TRIP4: variants seen among roughly 807,000 people sequenced by gnomAD.
The protein encoded by TRIP4 is activating signal cointegrator 1.
Under a neutral mutation model 81.8 loss-of-function variants are expected in TRIP4, and 54 were observed. That is an observed-to-expected ratio of 0.66 (90% CI 0.53 to 0.83). TRIP4 has a LOEUF of 0.83. Among genes scored for constraint, TRIP4 ranks in the 40% least tolerant of loss-of-function variants. The probability of loss-of-function intolerance (pLI) is 0.00; values close to 1 mark genes in which losing one functional copy is unlikely to be tolerated. For synonymous variants in TRIP4, 270 were observed against 242.8 expected (o/e 1.11, Z -1.04); for missense variants, 662 against 683.6 (o/e 0.97, Z 0.35).
intron 3 of TRIP4, among the ~76,000 whole-genome samples, chr15:64,397,064 G>T (rs1555408947): frequency 1.3e-5 from 2 of 151,858 alleles, no homozygotes; most frequent in Non-Finnish European, 2.9e-5. Context: ...TTCTTATTAG[G>T]TTTTTTTTGC....
intron 9 of TRIP4, among the ~76,000 whole-genome samples, chr15:64,423,108 G>C (rs7162586): frequency 0.88 from 133,330 of 152,198 alleles, 59,425 homozygotes; most frequent in East Asian, 0.96. Flanking sequence ...ATTCTCTTTA[G>C]AGGTTTTTTC....
intron 11 of TRIP4, among the ~76,000 whole-genome samples, chr15:64,431,216 G>C (rs1892263365): frequency 6.6e-6 from 1 of 152,120 alleles, no homozygotes; most frequent in Non-Finnish European, 1.5e-5. Context: ...CTGTTGTACT[G>C]AGAAAATCTG....
chr15:64,435,891 T>C (rs1318549291), intron 11 of TRIP4, among the ~76,000 whole-genome samples: 1 of 37,002 alleles, frequency 2.7e-5, no homozygotes, highest in Non-Finnish European at 9.2e-5. Flanking sequence ...TAATGGTAGA[T>C]TGAAAAAAAA....
intron 6 of TRIP4, 29 bp downstream of exon 6, chr15:64,406,488 A>G (rs746999011): frequency 3.0e-5 from 49 of 1,607,592 alleles, no homozygotes; most frequent in Middle Eastern, 3.3e-4. Context: ...AACAAATGCT[A>G]AGAAATAAAC....
intron 11 of TRIP4, among the ~76,000 whole-genome samples, chr15:64,440,910 T>C (rs912101862): frequency 2.0e-5 from 3 of 152,206 alleles, no homozygotes; most frequent in Admixed American, 2.0e-4. Context: ...CTTAGAGTTA[T>C]AGTTCTAAGA....
intron 1 of TRIP4, among the ~76,000 whole-genome samples, chr15:64,391,926 G>T (rs1422622061): frequency 7.9e-6 from 1 of 126,016 alleles, no homozygotes; most frequent in Non-Finnish European, 1.6e-5. Context: ...AGCCAAGATA[G>T]CACCACTGCA....
At chr15:64,406,204 T>A in intron 5 of TRIP4, 126 bp from the exon 6 acceptor site, 1 of 1,173,136 alleles carries the variant, frequency 8.5e-7, no homozygotes, top group Middle Eastern at 2.0e-4. Flanking sequence ...TGTTTTCTGT[T>A]GAAATGAAGG....
chr15:64,433,655 G>T lies in TRIP4; in HGVS notation c.1575+8024G>T, dbSNP rs564637355. On this transcript the variant is annotated intron_variant, in intron 11 of 12. Transcript: ENST00000261884. ...TAATGTCAGTTAATGGTAGAGTTAT[G>T]ATTTTGCTGTTCAAGTGTTTCTACT... is the stretch of plus-strand genomic sequence containing the variant. 2.6e-5 allele frequency among the ~76,000 whole-genome samples: 4 copies of T among 152,266 alleles called. No individual in the cohort carries two copies. In the East Asian group the frequency reaches 7.7e-4, roughly 29 times the overall value.
At chr15:64,416,460 C>T (rs1015131091) in intron 8 of TRIP4, among the ~76,000 whole-genome samples, 6 of 152,186 alleles carry the variant, frequency 3.9e-5, no homozygotes, top group South Asian at 4.2e-4. Flanking sequence ...TGGTGGCTCA[C>T]GTCTGTAATC....
intron 9 of TRIP4, among the ~76,000 whole-genome samples, chr15:64,423,317 G>T (rs1892059358): frequency 6.6e-6 from 1 of 151,972 alleles, no homozygotes; most frequent in African/African-American, 2.4e-5. Context: ...ACAGAAATTA[G>T]CTGGGTGTGG....
chr15:64,397,583 AT>A (rs1458572963), intron 3 of TRIP4, 22 bp from the exon 4 acceptor site: 1 of 1,602,706 alleles, frequency 6.2e-7, no homozygotes, highest in African/African-American at 1.3e-5. Context: ...ATTTGATGTT[AT>A]TTTGATGTCT....
At chr15:64,421,688 C>G (rs561879520) in intron 9 of TRIP4, among the ~76,000 whole-genome samples, 5 of 152,224 alleles carry the variant, frequency 3.3e-5, no homozygotes, top group African/African-American at 1.2e-4. Flanking sequence ...AATAGTTAAC[C>G]ACTGTGCTCC....
intron 4 of TRIP4, among the ~76,000 whole-genome samples, chr15:64,400,288 C>G (rs535202209): frequency 1.3e-5 from 2 of 150,582 alleles, no homozygotes; most frequent in South Asian, 4.2e-4. Context: ...ACAAAGAAGT[C>G]CCAGCTCCTA....
chr15:64,450,787 A>G, intron 12 of TRIP4: 1 of 455,894 alleles, frequency 2.2e-6, no homozygotes, highest in South Asian at 1.5e-5. Context: ...GCCAGAGATT[A>G]GTCTGCCTAC....
At position 64,398,868 on chromosome 15, in the gene TRIP4, T is replaced by C. The variant is rs902141051; in HGVS notation, c.618+1050T>C. Among the ~76,000 whole-genome samples, 4 of 151,982 alleles carry C rather than the reference T, an allele frequency of 2.6e-5. No homozygotes were observed. In the East Asian group the frequency reaches 7.7e-4, roughly 29 times the overall value. On this transcript the variant is annotated intron_variant, in intron 4 of 12. Transcript: ENST00000261884. ...CAGAAGCAATGACATTTGGTGTTGG[T>C]AAAGGCATCCGTTTTATATTACTTC...
At chr15:64,433,829 C>T (rs916375068) in intron 11 of TRIP4, among the ~76,000 whole-genome samples, 1 of 151,980 alleles carries the variant, frequency 6.6e-6, no homozygotes, top group Non-Finnish European at 1.5e-5. Context: ...AGCTGTGGCC[C>T]GTGGGATGCA....
At chr15:64,442,404 T>C (rs1892536893) in intron 11 of TRIP4, among the ~76,000 whole-genome samples, 1 of 152,132 alleles carries the variant, frequency 6.6e-6, no homozygotes, top group African/African-American at 2.4e-5. Flanking sequence ...GGTCTCACTC[T>C]GTTGCCCACG....
chr15:64,413,442 G>A (rs1289359257), intron 7 of TRIP4, among the ~76,000 whole-genome samples: 1 of 151,788 alleles, frequency 6.6e-6, no homozygotes, highest in African/African-American at 2.4e-5. Flanking sequence ...CTATGATAGT[G>A]TTGGAATTAC....
chr15:64,429,326 TAAAATA>T (rs1892219785), intron 11 of TRIP4, among the ~76,000 whole-genome samples: 4 of 151,822 alleles, frequency 2.6e-5, no homozygotes, highest in South Asian at 4.2e-4. Context: ...TCAAAAAAAA[TAAAATA>T]AAAATAAAAA....
Sources: allele counts gnomAD v4.1 joint callset (sites outside exome capture counted in the v4.1 genomes callset), GRCh38; gene constraint gnomAD v4.1.1; transcripts MANE v1.5; gene names NCBI Gene and HGNC (gene_info 2026-07-23, HGNC 2026-07-21).